Variants in ACYP2 observed in about 807,000 individuals in gnomAD.
ACYP2 encodes the protein acylphosphatase 2.
Under a neutral mutation model 11.2 loss-of-function variants are expected in ACYP2, and 12 were observed. That is an observed-to-expected ratio of 1.08 (90% CI 0.69 to 1.74). The LOEUF (loss-of-function observed/expected upper bound fraction) is 1.74. Among genes scored for constraint, ACYP2 ranks in the 40% most tolerant of loss-of-function variants. The pLI is 0.00. For synonymous variants in ACYP2, 43 were observed against 32.2 expected (o/e 1.33, Z -1.13); for missense variants, 134 against 101.9 (o/e 1.31, Z -1.35).
intron 6 of ACYP2, among the ~76,000 whole-genome samples, chr2:54,265,264 G>C (rs541312936): frequency 6.6e-6 from 1 of 152,170 alleles, no homozygotes; most frequent in African/African-American, 2.4e-5. Flanking sequence ...GCAAGGAGGA[G>C]CAAGTCACAT....
At chr2:53,973,507 C>T (rs1027502782) in intron 1 of ACYP2, among the ~76,000 whole-genome samples, 2 of 152,268 alleles carry the variant, frequency 1.3e-5, no homozygotes, top group African/African-American at 4.8e-5. Context: ...GATGAATGTA[C>T]TTTGTAATCT....
intron 2 of ACYP2, among the ~76,000 whole-genome samples, chr2:53,984,254 A>G (rs1490572003): frequency 6.6e-6 from 1 of 152,208 alleles, no homozygotes; most frequent in Non-Finnish European, 1.5e-5. Context: ...ATTATAGCCC[A>G]GTCCCACCTG....
chr2:54,142,131 C>T (rs1421531455), intron 6 of ACYP2: 1 of 389,520 alleles, frequency 2.6e-6, no homozygotes, highest in African/African-American at 2.1e-5. Context: ...GCCTCAGCCT[C>T]CCAAAGTGCT....
intron 6 of ACYP2, among the ~76,000 whole-genome samples, chr2:54,183,976 A>T (rs1683862315): frequency 6.6e-6 from 1 of 152,228 alleles, no homozygotes. Flanking sequence ...TTTCTCTAGA[A>T]TCACAAATTG....
At chr2:54,069,570 G>A (rs1479847111) in intron 4 of ACYP2, among the ~76,000 whole-genome samples, 1 of 152,168 alleles carries the variant, frequency 6.6e-6, no homozygotes, top group African/African-American at 2.4e-5. Flanking sequence ...GCTGAGGCAG[G>A]AGGATGGCAT....
intron 6 of ACYP2, among the ~76,000 whole-genome samples, chr2:54,159,542 GATA>G (rs1192432020): frequency 1.3e-5 from 2 of 152,042 alleles, no homozygotes; most frequent in Non-Finnish European, 2.9e-5. Flanking sequence ...ATTTTATCAT[GATA>G]ATGTTTTCAT....
rs530688269 is a variant in ACYP2 at position 54,053,491 on chromosome 2, C to T, written c.155+2441C>T. Among the ~76,000 whole-genome samples the T allele has an allele frequency of 2.0e-5, 3 of 152,348 alleles. No homozygotes were observed. In the South Asian group the frequency reaches 6.2e-4, roughly 32 times the overall value. On this transcript the variant is annotated intron_variant, in intron 3 of 6. Transcript: ENST00000607452. ...GGTCCTAGATATCCTGACACAGACA[C>T]TGTGTGTTCCAGGCCTCACACCTAC... is the stretch of plus-strand genomic sequence containing the variant.
At chr2:54,269,778 C>T (rs1688199404) in intron 6 of ACYP2, among the ~76,000 whole-genome samples, 1 of 152,186 alleles carries the variant, frequency 6.6e-6, no homozygotes. Context: ...TGTTCCACCT[C>T]AATTTTATTT....
intron 6 of ACYP2, among the ~76,000 whole-genome samples, chr2:54,166,655 G>A (rs1244188374): frequency 6.6e-6 from 1 of 152,200 alleles, no homozygotes; most frequent in Admixed American, 6.5e-5. Context: ...TTTGGACCCA[G>A]TCAAGTGCTT....
At chr2:54,104,767 G>C (rs1311799548) in intron 4 of ACYP2, among the ~76,000 whole-genome samples, 1 of 152,214 alleles carries the variant, frequency 6.6e-6, no homozygotes, top group Non-Finnish European at 1.5e-5. Context: ...ACTGCTGATG[G>C]CTGGCCCAGC....
intron 6 of ACYP2, among the ~76,000 whole-genome samples, chr2:54,303,511 A>G (rs1040160622): frequency 7.3e-4 from 111 of 152,352 alleles, no homozygotes; most frequent in African/African-American, 2.5e-3. Context: ...TCTTCAACAC[A>G]TGAAATTTTC....
intron 6 of ACYP2, among the ~76,000 whole-genome samples, chr2:54,150,661 A>G (rs1682113625): frequency 6.6e-6 from 1 of 151,720 alleles, no homozygotes; most frequent in Non-Finnish European, 1.5e-5. Flanking sequence ...ACCTGGGGTG[A>G]TCGGCCCATC....
In ACYP2 at chr2:53,989,045, G is replaced by A. The variant is rs566654381; in HGVS notation, c.62+15235G>A. ...TTACAGGCGTGAGCCACCACGCCCG[G>A]CCTGTAATTCAGTTTTAAATAACAC... On this transcript the variant is annotated intron_variant, in intron 2 of 6. Coordinates refer to ENST00000607452, the MANE Select transcript of ACYP2 (RefSeq NM_001320586.2). Among the ~76,000 whole-genome samples the A allele has an allele frequency of 1.6e-4, 25 of 152,196 alleles. No individual in the cohort carries two copies. In the East Asian group the frequency reaches 4.6e-3, roughly 28 times the overall value.
chr2:54,224,279 C>T (rs1490248481), intron 6 of ACYP2, among the ~76,000 whole-genome samples: 3 of 152,166 alleles, frequency 2.0e-5, no homozygotes, highest in Admixed American at 6.5e-5. Context: ...AACTCTTGTC[C>T]TGCACCCAAG....
chr2:54,012,986 A>G (rs1673463127), intron 2 of ACYP2, among the ~76,000 whole-genome samples: 3 of 152,030 alleles, frequency 2.0e-5, no homozygotes, highest in Admixed American at 6.6e-5. Context: ...TTCCTTGAAT[A>G]TGCCAAGATG....
intron 2 of ACYP2, among the ~76,000 whole-genome samples, chr2:54,013,607 A>G (rs1052170060): frequency 6.6e-6 from 1 of 151,910 alleles, no homozygotes; most frequent in African/African-American, 2.4e-5. Flanking sequence ...GCCACCATCT[A>G]ATAAACTTTA....
intron 6 of ACYP2, among the ~76,000 whole-genome samples, chr2:54,278,224 C>A (rs573182647): frequency 6.6e-6 from 1 of 152,296 alleles, no homozygotes; most frequent in East Asian, 1.9e-4. Flanking sequence ...GTGATCCGCC[C>A]GCCTCGGACT....
intron 6 of ACYP2, among the ~76,000 whole-genome samples, chr2:54,212,146 T>A (rs1986036): frequency 0.25 from 37,756 of 151,820 alleles, 4,736 homozygotes; most frequent in East Asian, 0.39. Context: ...GGATTTTTTT[T>A]AAAAATCTGA....
intron 6 of ACYP2, among the ~76,000 whole-genome samples, chr2:54,167,705 C>T (rs931015810): frequency 4.6e-5 from 7 of 152,032 alleles, no homozygotes; most frequent in African/African-American, 1.7e-4. Flanking sequence ...TTTTTTATAG[C>T]TGTATACTGA....
Sources: allele counts gnomAD v4.1 joint callset (sites outside exome capture counted in the v4.1 genomes callset), GRCh38; gene constraint gnomAD v4.1.1; transcripts MANE v1.5; gene names NCBI Gene and HGNC (gene_info 2026-07-23, HGNC 2026-07-21).